Variants in ZKSCAN1 observed in about 807,000 individuals in gnomAD.
The protein encoded by ZKSCAN1 is zinc finger with KRAB and SCAN domains 1, also known as zinc finger protein with KRAB and SCAN domains 1.
ZKSCAN1 carries 14 observed loss-of-function variants against 51.6 expected under a neutral mutation model. The observed-to-expected ratio is 0.27, with a 90% CI of 0.18 to 0.42. The LOEUF (loss-of-function observed/expected upper bound fraction) is 0.42. Among genes scored for constraint, ZKSCAN1 ranks in the 10% least tolerant of loss-of-function variants. ZKSCAN1 has a pLI of 1.00. For missense variants in ZKSCAN1, 531 were observed against 710.0 expected (o/e 0.75, Z 2.86); for synonymous variants, 263 against 261.5 (o/e 1.01, Z -0.06).
At chr7:100,028,893 A>G (rs1400077980) in intron 3 of ZKSCAN1, among the ~76,000 whole-genome samples, 2 of 151,978 alleles carry the variant, frequency 1.3e-5, no homozygotes, top group Non-Finnish European at 2.9e-5. Flanking sequence ...GGCCGGACAC[A>G]GTGGCTAACA....
chr7:100,034,485 A>G lies in ZKSCAN1; in HGVS notation c.*288A>G. On this transcript the variant is annotated 3_prime_UTR_variant, in exon 6 of 6. Transcript: ENST00000324306. ...TAGTGAAATGTCAGTCTTTTCAGTA[A>G]TGAGGATACCTTTAAGGCACTCTTG... is the stretch of plus-strand genomic sequence containing the variant. The G allele has an allele frequency of 8.8e-7, 1 of 1,133,154 alleles. No homozygotes were observed. The highest frequency in any genetic ancestry group is 1.1e-6 in the Non-Finnish European group (1 of 923,726). 70.2% of individuals were successfully genotyped at this position (1,133,154 alleles called of 1,614,324 possible). A position where few individuals can be genotyped will look rare whatever the true frequency, so the allele number is the denominator to read the frequency against.
Position 100,038,769 on chromosome 7 carries a change from G to A in ZKSCAN1, c.*4572G>A. The A allele has an allele frequency of 1.0e-6, 1 of 976,318 alleles. No individual in the cohort carries two copies. The highest frequency in any genetic ancestry group is 1.2e-6 in the Non-Finnish European group (1 of 821,572). The allele number at this position is 976,318 out of a possible 1,614,324, so 60.5% of individuals were successfully genotyped here. A position where few individuals can be genotyped will look rare whatever the true frequency, so the allele number is the denominator to read the frequency against. ...CCAGCACTTTGGGAGACCAAGGCGG[G>A]TGGATCACAAGGTCAGGAGATCGAG... On this transcript the variant is annotated 3_prime_UTR_variant, in exon 6 of 6. Transcript: ENST00000324306.
intron 1 of ZKSCAN1, among the ~76,000 whole-genome samples, chr7:100,019,746 G>T (rs1398354323): frequency 6.6e-6 from 1 of 151,736 alleles, no homozygotes; most frequent in Non-Finnish European, 1.5e-5. Context: ...CTGTTGCCCA[G>T]ACTGGAGTGC....
Position 100,023,568 on chromosome 7 carries a change from A to T in ZKSCAN1, c.62A>T (p.Asp21Val). The change falls in exon 2 of 6, where the codon GAT becomes GTT. Residue 21 changes from aspartate (D) to valine (V), a missense_variant. Asp to Val is a radical substitution (Grantham distance 152). Around this residue, in one of 2 missense-constraint regions of ZKSCAN1, gnomAD observed 403 missense variants for 490.5 expected, o/e 0.82. Transcript: ENST00000324306. Reference sequence around the variant, plus strand: ...TCCCCACAGGCTGCACAGGAGAAGGATGGTATCGTAATAGTGAAGGTGGAA... The same window carrying T: ...TCCCCACAGGCTGCACAGGAGAAGGTTGGTATCGTAATAGTGAAGGTGGAA... Reference protein sequence around the residue: ...GLSPQAAQEKDGIVIVKVEEE... With the variant: ...GLSPQAAQEKVGIVIVKVEEE... 1 of 1,613,664 alleles carries T rather than the reference A, an allele frequency of 6.2e-7. No homozygotes were observed. The highest frequency in any genetic ancestry group is 8.5e-7 in the Non-Finnish European group (1 of 1,180,026).
Position 100,033,153 on chromosome 7 carries a change from C to T in ZKSCAN1, c.800-152C>T. ...CGTCACTGCACTCCAGCCTGGGCGA[C>T]AGAGCGAGACTCTGTCTCAAAGGAA... On this transcript the variant is annotated intron_variant, in intron 5 of 5. Coordinates refer to ENST00000324306, the MANE Select transcript of ZKSCAN1 (RefSeq NM_003439.4). The surrounding 1 kb of genome is among the most constrained non-coding windows in gnomAD (Gnocchi z 4.1). 1 of 1,349,842 alleles carries T rather than the reference C, an allele frequency of 7.4e-7. No individual in the cohort carries two copies. Among genetic ancestry groups the T allele is most frequent in the Admixed American group, 3.1e-5 (1 of 32,608 alleles). The allele number at this position is 1,349,842 out of a possible 1,614,324, so 83.6% of individuals were successfully genotyped here. A position where few individuals can be genotyped will look rare whatever the true frequency, so the allele number is the denominator to read the frequency against.
intron 4 of ZKSCAN1, 103 bp from the exon 5 acceptor site, chr7:100,030,146 G>A (rs542758131): frequency 1.9e-5 from 29 of 1,534,232 alleles, no homozygotes; most frequent in Admixed American, 1.3e-4. Context: ...TCTTCCCAGC[G>A]TCCTGTAGCT....
Position 100,036,551 on chromosome 7 carries a change from C to T in ZKSCAN1, c.*2354C>T. The stretch of plus-strand genomic sequence containing the variant: ...TGGCCAACATGGTAAAATCCCGTCT[C>T]TACTAAAATTATAAAAATTAGCCGG... On this transcript the variant is annotated 3_prime_UTR_variant, in exon 6 of 6. Coordinates refer to ENST00000324306, the MANE Select transcript of ZKSCAN1 (RefSeq NM_003439.4). The T allele has an allele frequency of 1.2e-6, 1 of 804,848 alleles. No homozygotes were observed. The highest frequency in any genetic ancestry group is 1.5e-6 in the Non-Finnish European group (1 of 665,596). 49.9% of individuals were successfully genotyped at this position (804,848 alleles called of 1,614,324 possible). A position where few individuals can be genotyped will look rare whatever the true frequency, so the allele number is the denominator to read the frequency against.
chr7:100,039,307 CA>C lies in ZKSCAN1; in HGVS notation c.*5117del. ...AGCCTGGGTAACAGAGACTCTGTCTCAAAAAAAGAAAAAAAAAAAAGAAAGA... is the reference window on the plus strand; with the variant it reads ...AGCCTGGGTAACAGAGACTCTGTCTCAAAAAAGAAAAAAAAAAAAGAAAGA... On this transcript the variant is annotated 3_prime_UTR_variant, in exon 6 of 6. Coordinates refer to ENST00000324306, the MANE Select transcript of ZKSCAN1 (RefSeq NM_003439.4). 1.1e-6 allele frequency: 1 copy of C among 878,204 alleles called. No individual in the cohort carries two copies. The highest frequency in any genetic ancestry group is 1.9e-4 in the East Asian group (1 of 5,238). 54.4% of individuals were successfully genotyped at this position (878,204 alleles called of 1,614,324 possible).
Position 100,037,155 on chromosome 7 carries a change from A to C in ZKSCAN1, c.*2958A>C. 1 of 985,468 alleles carries C rather than the reference A, an allele frequency of 1.0e-6. No homozygotes were observed. Among genetic ancestry groups the C allele is most frequent in the South Asian group, 4.7e-5 (1 of 21,290 alleles). The allele number at this position is 985,468 out of a possible 1,614,324, so 61.0% of individuals were successfully genotyped here. A position where few individuals can be genotyped will look rare whatever the true frequency, so the allele number is the denominator to read the frequency against. On this transcript the variant is annotated 3_prime_UTR_variant, in exon 6 of 6. Transcript: ENST00000324306. ...TGGGTCATGGTCAAAAACGCTTGCA[A>C]CATCTAATTGGCGTTCAAGATAGTC...
chr7:100,021,827 C>G (rs148791702), intron 1 of ZKSCAN1, among the ~76,000 whole-genome samples: 15 of 151,744 alleles, frequency 9.9e-5, no homozygotes, highest in African/African-American at 3.4e-4. Flanking sequence ...TGACTGCAGC[C>G]TCAAACTTCT....
chr7:100,020,434 A>ATTC (rs1790543993), intron 1 of ZKSCAN1, among the ~76,000 whole-genome samples: 1 of 152,104 alleles, frequency 6.6e-6, no homozygotes, highest in Non-Finnish European at 1.5e-5. Context: ...AATAATCTGA[A>ATTC]AGGTGGATTG....
At position 100,035,975 on chromosome 7, in the gene ZKSCAN1, T is replaced by G. The variant is rs556181068; in HGVS notation, c.*1778T>G. On this transcript the variant is annotated 3_prime_UTR_variant, in exon 6 of 6. Transcript: ENST00000324306. ...AAACCTCAAGACTATCAGTGTGACC[T>G]CCCCATAACAAGAGAACCCCATATA... The G allele has an allele frequency of 3.0e-6, 3 of 985,256 alleles. No homozygotes were observed. The highest frequency in any genetic ancestry group is 4.7e-5 in the South Asian group (1 of 21,284). 61.0% of individuals were successfully genotyped at this position (985,256 alleles called of 1,614,324 possible).
Position 100,037,216 on chromosome 7 carries a change from A to G in ZKSCAN1, c.*3019A>G. 1.0e-6 allele frequency: 1 copy of G among 985,460 alleles called. No individual in the cohort carries two copies. Among genetic ancestry groups the G allele is most frequent in the South Asian group, 4.7e-5 (1 of 21,290 alleles). 61.0% of individuals were successfully genotyped at this position (985,460 alleles called of 1,614,324 possible). A position where few individuals can be genotyped will look rare whatever the true frequency, so the allele number is the denominator to read the frequency against. On this transcript the variant is annotated 3_prime_UTR_variant, in exon 6 of 6. Transcript: ENST00000324306. Reference sequence around the variant, plus strand: ...TCTTGGCCCGCTGAAGTCTGTTAACAGTTGAAACATTCTACAGTTAACCAT... The same window carrying G: ...TCTTGGCCCGCTGAAGTCTGTTAACGGTTGAAACATTCTACAGTTAACCAT...
At chr7:100,024,365 G>T (rs1319406816) in intron 3 of ZKSCAN1, 58 bp downstream of exon 3, 2 of 1,579,982 alleles carry the variant, frequency 1.3e-6, no homozygotes, top group Non-Finnish European at 1.7e-6. Context: ...GAGTCTTTGT[G>T]CTGCTGAGTG....
intron 3 of ZKSCAN1, among the ~76,000 whole-genome samples, chr7:100,026,569 T>TA (rs1238130963): frequency 1.3e-5 from 2 of 151,566 alleles, no homozygotes; most frequent in African/African-American, 2.4e-5. Flanking sequence ...CTCTACAAAA[T>TA]AAAAAAATTA....
Position 100,035,306 on chromosome 7 carries a change from C to T in ZKSCAN1, c.*1109C>T, listed in dbSNP as rs1380041579. The T allele has an allele frequency of 6.6e-6, 1 of 152,162 alleles. No homozygotes were observed. The highest frequency in any genetic ancestry group is 1.5e-5 in the Non-Finnish European group (1 of 68,036). The allele number at this position is 152,162 out of a possible 1,614,324, so 9.4% of individuals were successfully genotyped here. On this transcript the variant is annotated 3_prime_UTR_variant, in exon 6 of 6. Transcript: ENST00000324306. ...TTTTGTTCCAAATATAAACGAAAGG[C>T]ACTAGTCAGCCGCCTGCATAGACTT...
intron 2 of ZKSCAN1, 84 bp downstream of exon 2, chr7:100,024,016 T>G: frequency 6.6e-7 from 1 of 1,521,312 alleles, no homozygotes; most frequent in Non-Finnish European, 8.8e-7. Context: ...AGGCTTTAGG[T>G]TATTAGGTGG....
rs1437980163 is a variant in ZKSCAN1 at position 100,038,242 on chromosome 7, A to G, written c.*4045A>G. 6.1e-6 allele frequency: 6 copies of G among 985,290 alleles called. No homozygotes were observed. The highest frequency in any genetic ancestry group is 7.2e-6 in the Non-Finnish European group (6 of 829,950). The allele number at this position is 985,290 out of a possible 1,614,324, so 61.0% of individuals were successfully genotyped here. ...TTCCGTATATTACCTGTAAGCAGAT[A>G]CTGTATTTTATTTTAGCCTATTTGA... On this transcript the variant is annotated 3_prime_UTR_variant, in exon 6 of 6. Transcript: ENST00000324306.
intron 3 of ZKSCAN1, among the ~76,000 whole-genome samples, chr7:100,026,792 A>G (rs1790855796): frequency 6.6e-6 from 1 of 152,162 alleles, no homozygotes; most frequent in Non-Finnish European, 1.5e-5. Flanking sequence ...TACTTTATGA[A>G]CTTTTTGATT....
Sources: gnomAD v4.1 joint callset for allele counts (sites outside exome capture counted in the v4.1 genomes callset) on GRCh38, gnomAD v4.1.1 for gene constraint, gnomAD v4.1.1 regional missense constraint, Gnocchi (gnomAD v3.1) non-coding constraint, MANE v1.5 for transcripts, NCBI Gene and HGNC (gene_info 2026-07-23, HGNC 2026-07-21) for gene names.